PHF20: variants seen among roughly 807,000 people sequenced by gnomAD.
PHF20 encodes glioma-expressed antigen 2.
In PHF20, 23 loss-of-function variants were observed where a neutral mutation model predicts 113.5. The ratio of observed to expected loss-of-function variants is 0.20; its 90% CI spans 0.15 to 0.29. The LOEUF (loss-of-function observed/expected upper bound fraction) is 0.29. Among genes scored for constraint, PHF20 ranks in the 10% least tolerant of loss-of-function variants. PHF20 has a pLI of 1.00. For missense variants in PHF20, 943 were observed against 1,219.6 expected, an observed-to-expected ratio of 0.77 and a Z score of 3.38; for synonymous variants, 434 against 457.3, an observed-to-expected ratio of 0.95 and a Z score of 0.65.
intron 2 of PHF20, among the ~76,000 whole-genome samples, chr20:35,813,046 G>A (rs1230105903): frequency 2.0e-5 from 3 of 152,212 alleles, no homozygotes; most frequent in Non-Finnish European, 2.9e-5. Flanking sequence ...TTGGCTCACT[G>A]CAAGCTCTGC....
At chr20:35,931,115 T>G in intron 14 of PHF20, 134 bp from the exon 15 acceptor site, 1 of 648,302 alleles carries the variant, frequency 1.5e-6, no homozygotes, top group Non-Finnish European at 2.6e-6. Flanking sequence ...AAATGTACAC[T>G]GGATGAATAA....
intron 2 of PHF20, among the ~76,000 whole-genome samples, chr20:35,836,736 C>T (rs937495537): frequency 6.7e-6 from 1 of 149,848 alleles, no homozygotes. Context: ...CCCAGCTACT[C>T]GGGAGGCTGA....
At chr20:35,794,198 G>A (rs938706162) in intron 1 of PHF20, among the ~76,000 whole-genome samples, 2 of 151,376 alleles carry the variant, frequency 1.3e-5, no homozygotes, top group African/African-American at 2.4e-5. Flanking sequence ...CTACCAGGAG[G>A]CTGAAGCAGG....
chr20:35,846,278 C>T (rs993166673), intron 3 of PHF20, among the ~76,000 whole-genome samples: 27 of 151,684 alleles, frequency 1.8e-4, no homozygotes, highest in African/African-American at 5.3e-4. Flanking sequence ...CTCCTGGGTT[C>T]AAGTGATTCT....
chr20:35,861,785 A>C (rs1392806124), intron 5 of PHF20, among the ~76,000 whole-genome samples: 1 of 151,922 alleles, frequency 6.6e-6, no homozygotes, highest in East Asian at 1.9e-4. Context: ...CTTTCAGAAT[A>C]GTTTGGGGGA....
intron 1 of PHF20, among the ~76,000 whole-genome samples, chr20:35,780,148 T>C (rs530349880): frequency 3.9e-5 from 6 of 152,188 alleles, no homozygotes; most frequent in Non-Finnish European, 7.4e-5. Context: ...AGTAAGTCAT[T>C]TTAACTACAA....
In PHF20 at chr20:35,780,537, CT is replaced by C. The variant is rs974625400; in HGVS notation, c.-33+8466del. ...CACCATGCCTGGCTCATTCTTTTTTCTTTTTTTTCTTTTCTTTTTTTTTTTT... is the reference window on the plus strand; with the variant it reads ...CACCATGCCTGGCTCATTCTTTTTTCTTTTTTTCTTTTCTTTTTTTTTTTT... On this transcript the variant is annotated intron_variant, in intron 1 of 17. Coordinates refer to ENST00000374012, the MANE Select transcript of PHF20 (RefSeq NM_016436.5). Among the ~76,000 whole-genome samples the C allele has an allele frequency of 2.4e-3, 276 of 116,234 alleles. 5 individuals are homozygous for C. Among genetic ancestry groups the C allele is most frequent in the African/African-American group, 8.3e-3 (255 of 30,692 alleles). 76.3% of individuals were successfully genotyped at this position (116,234 alleles called of 152,430 possible). A position where few individuals can be genotyped will look rare whatever the true frequency, so the allele number is the denominator to read the frequency against.
intron 4 of PHF20, among the ~76,000 whole-genome samples, chr20:35,849,111 G>A (rs983663720): frequency 6.6e-6 from 1 of 152,180 alleles, no homozygotes; most frequent in Non-Finnish European, 1.5e-5. Context: ...CACATTGACT[G>A]GTTTTTGGGA....
intron 2 of PHF20, among the ~76,000 whole-genome samples, chr20:35,813,221 C>T (rs1230933647): frequency 3.3e-5 from 5 of 151,796 alleles, no homozygotes; most frequent in Non-Finnish European, 5.9e-5. Context: ...CTGCCCATCT[C>T]GGCCTCCCAA....
intron 2 of PHF20, among the ~76,000 whole-genome samples, chr20:35,829,976 C>T (rs566252004): frequency 1.0e-3 from 155 of 151,810 alleles, no homozygotes; most frequent in African/African-American, 3.6e-3. Context: ...TGCAGTGGTG[C>T]GATCTCAGCT....
chr20:35,945,191 T>C (rs1440322801), intron 17 of PHF20, among the ~76,000 whole-genome samples: 2 of 152,192 alleles, frequency 1.3e-5, no homozygotes, highest in African/African-American at 4.8e-5. Flanking sequence ...GGCGCTTTGC[T>C]GGACCACACA....
intron 13 of PHF20, among the ~76,000 whole-genome samples, chr20:35,925,571 A>C (rs1447451211): frequency 1.3e-5 from 2 of 151,722 alleles, no homozygotes; most frequent in African/African-American, 4.8e-5. Flanking sequence ...CTTGGCCGGG[A>C]CTACATTCTT....
chr20:35,790,623 C>A (rs2146846109), intron 1 of PHF20, among the ~76,000 whole-genome samples: 1 of 152,308 alleles, frequency 6.6e-6, no homozygotes, highest in South Asian at 2.1e-4. Flanking sequence ...GCAAGTTTAT[C>A]TGGAAAGTGG....
intron 10 of PHF20, among the ~76,000 whole-genome samples, chr20:35,911,255 G>A (rs1427493028): frequency 1.3e-5 from 2 of 151,706 alleles, no homozygotes; most frequent in South Asian, 2.1e-4. Flanking sequence ...TGTTAGCCAG[G>A]ATGGTCTCAA....
intron 2 of PHF20, among the ~76,000 whole-genome samples, chr20:35,810,281 C>A (rs1763061925): frequency 6.6e-6 from 1 of 152,146 alleles, no homozygotes; most frequent in Non-Finnish European, 1.5e-5. Context: ...TGGGTAAATC[C>A]ACGGACTGGA....
At chr20:35,903,048 GTTTCC>G (rs142226239) in intron 10 of PHF20, among the ~76,000 whole-genome samples, 10 of 85,320 alleles carry the variant, frequency 1.2e-4, no homozygotes, top group East Asian at 9.5e-4. Context: ...AGTGATTTTC[GTTTCC>G]TTTCCTTTCC....
At chr20:35,773,827 A>G (rs549408866) in intron 1 of PHF20, among the ~76,000 whole-genome samples, 2 of 152,258 alleles carry the variant, frequency 1.3e-5, no homozygotes, top group South Asian at 2.1e-4. Context: ...TAGAAGACCT[A>G]AGATTCTGTT....
chr20:35,847,470 A>G (rs1398904250), intron 4 of PHF20, 36 bp downstream of exon 4: 16 of 1,324,472 alleles, frequency 1.2e-5, no homozygotes, highest in African/African-American at 2.9e-5. Flanking sequence ...TTTACTCATG[A>G]CTTAGGTGGT....
At chr20:35,878,445 A>G in intron 9 of PHF20, 1 of 527,344 alleles carries the variant, frequency 1.9e-6, no homozygotes, top group Non-Finnish European at 3.3e-6. Flanking sequence ...AGATTGTTTA[A>G]GCAATCACTA....
Sources: allele counts gnomAD v4.1 joint callset (sites outside exome capture counted in the v4.1 genomes callset), GRCh38; gene constraint gnomAD v4.1.1; transcripts MANE v1.5; gene names NCBI Gene and HGNC (gene_info 2026-07-23, HGNC 2026-07-21).